The following SCEL variants were observed in gnomAD, a reference collection of about 807,000 sequenced individuals.
SCEL encodes the protein sciellin.
A neutral mutation model predicts 117.6 loss-of-function variants in SCEL; 113 were observed. The ratio of observed to expected loss-of-function variants is 0.96; its 90% CI spans 0.83 to 1.12. The LOEUF (loss-of-function observed/expected upper bound fraction) is 1.12. SCEL is among the 50% of genes most tolerant of loss of function. SCEL has a pLI of 0.00. For missense variants in SCEL, 785 were observed against 810.8 expected (o/e 0.97, Z 0.39); for synonymous variants, 270 against 256.2 (o/e 1.05, Z -0.51).
At chr13:77,625,197 T>C (rs1263126230) in intron 27 of SCEL, among the ~76,000 whole-genome samples, 1 of 152,228 alleles carries the variant, frequency 6.6e-6, no homozygotes, top group Non-Finnish European at 1.5e-5. Flanking sequence ...AATACCATGA[T>C]ATTCCCTTTA....
At chr13:77,586,401 G>A (rs2086567422) in intron 9 of SCEL, among the ~76,000 whole-genome samples, 1 of 151,974 alleles carries the variant, frequency 6.6e-6, no homozygotes, top group South Asian at 2.1e-4. Context: ...TTGATTCCAG[G>A]AATTCCTCAG....
chr13:77,637,183 A>G lies in SCEL; in HGVS notation c.1827A>G (p.Ser609=). The part of the protein sequence containing the change: ...ISGKYIQTVY[S]TSDRSVIERD... The stretch of plus-strand genomic sequence containing the variant: ...GAAAATACATACAAACTGTTTATTC[A>G]ACTTCTGATAGGTGAGTATGTCTTT... Residue 609 remains serine (S), a synonymous_variant, in exon 30 of 33, where the codon TCA becomes TCG. Transcript: ENST00000349847. The G allele has an allele frequency of 6.5e-7, 1 of 1,543,248 alleles. No individual in the cohort carries two copies. Among genetic ancestry groups the G allele is most frequent in the Non-Finnish European group, 8.8e-7 (1 of 1,141,300 alleles).
intron 29 of SCEL, among the ~76,000 whole-genome samples, chr13:77,635,213 A>G (rs538719295): frequency 1.3e-5 from 2 of 152,264 alleles, no homozygotes; most frequent in African/African-American, 2.4e-5. Flanking sequence ...CCCATGCATA[A>G]TTTACCTTGT....
chr13:77,614,621 C>G (rs2088893525), intron 24 of SCEL, among the ~76,000 whole-genome samples: 1 of 152,046 alleles, frequency 6.6e-6, no homozygotes, highest in African/African-American at 2.4e-5. Context: ...GGTACGTATA[C>G]AAATTGTAAA....
At chr13:77,558,873 A>C (rs1446698052) in intron 3 of SCEL, among the ~76,000 whole-genome samples, 1 of 151,422 alleles carries the variant, frequency 6.6e-6, no homozygotes, top group East Asian at 1.9e-4. Context: ...TTAGTAGAGC[A>C]TAACCAGGAA....
chr13:77,564,315 A>G lies in SCEL; in HGVS notation c.290+416A>G, dbSNP rs146171298. Reference sequence around the variant, plus strand: ...TGGAGAGACTGTAAATTTTAATAATACAATAGTTTCAATCCACTCCAGGAC... The same window carrying G: ...TGGAGAGACTGTAAATTTTAATAATGCAATAGTTTCAATCCACTCCAGGAC... On this transcript the variant is annotated intron_variant, in intron 5 of 32. Coordinates refer to ENST00000349847, the MANE Select transcript of SCEL (RefSeq NM_144777.3). Among the ~76,000 whole-genome samples the G allele has an allele frequency of 5.7e-3, 862 of 151,998 alleles. 8 individuals carry two copies. Among genetic ancestry groups the G allele is most frequent in the African/African-American group, 0.019 (806 of 41,442 alleles).
intron 1 of SCEL, among the ~76,000 whole-genome samples, chr13:77,548,037 C>T (rs1166535256): frequency 6.6e-6 from 1 of 152,200 alleles, no homozygotes; most frequent in Non-Finnish European, 1.5e-5. Flanking sequence ...GTATTCTACC[C>T]ATATCCCACC....
intron 15 of SCEL, chr13:77,600,061 G>A (rs1280130055): frequency 3.2e-6 from 1 of 313,496 alleles, no homozygotes; most frequent in African/African-American, 2.1e-5. Context: ...ACAAGTAGTG[G>A]AGAATAGGTT....
At chr13:77,584,495 C>T (rs1385404022) in intron 9 of SCEL, among the ~76,000 whole-genome samples, 1 of 152,178 alleles carries the variant, frequency 6.6e-6, no homozygotes, top group African/African-American at 2.4e-5. Context: ...TGCGTATTCT[C>T]CAGACCATTT....
At chr13:77,566,459 A>G (rs2085294870) in intron 5 of SCEL, among the ~76,000 whole-genome samples, 1 of 149,136 alleles carries the variant, frequency 6.7e-6, no homozygotes, top group Admixed American at 7.4e-5. Flanking sequence ...GTTGGCATAT[A>G]ATGATAACCT....
chr13:77,639,020 C>A (rs2090434357), intron 30 of SCEL, among the ~76,000 whole-genome samples: 1 of 152,094 alleles, frequency 6.6e-6, no homozygotes, highest in Non-Finnish European at 1.5e-5. Flanking sequence ...GTCCACGTAC[C>A]TGTATTCCAC....
At chr13:77,641,057 G>T (rs2090536062) in intron 31 of SCEL, among the ~76,000 whole-genome samples, 1 of 152,072 alleles carries the variant, frequency 6.6e-6, no homozygotes, top group African/African-American at 2.4e-5. Flanking sequence ...AAACCCACTT[G>T]TTCTTTTTAT....
chr13:77,555,882 A>G lies in SCEL; in HGVS notation c.7A>G (p.Asn3Asp), dbSNP rs1351373305. 8 of 1,612,934 alleles carry G rather than the reference A, an allele frequency of 5.0e-6. No homozygotes were observed. The highest frequency in any genetic ancestry group is 6.8e-6 in the Non-Finnish European group (8 of 1,179,016). Residue 3 changes from asparagine (N) to aspartate (D), a missense_variant, in exon 2 of 33, where the codon AAT (asparagine) becomes GAT (aspartate). Transcript: ENST00000349847. MSNVTLRKMSPTG... is the reference protein window; with the variant it reads MSDVTLRKMSPTG... ...GTCCTTACTGGAAGGCAGCATGTCC[A>G]ATGTTACCTTGAGAAAAATGTCTCC...
Position 77,608,106 on chromosome 13 carries a change from G to A in SCEL, c.1208G>A (p.Ser403Asn), listed in dbSNP as rs765941338. The change falls in exon 20 of 33, where the codon AGT (serine) becomes AAT (asparagine). Residue 403 changes from serine (S) to asparagine (N), a missense_variant. Transcript: ENST00000349847. ...AAAGTGACCCCTGAAGTAAAGAGAAGTAACCAAGGGTGAGGACTATGTCTT... is the reference window on the plus strand; with the variant it reads ...AAAGTGACCCCTGAAGTAAAGAGAAATAACCAAGGGTGAGGACTATGTCTT... ...LIKVTPEVKR[S>N]NQGSKDLNNF... The A allele has an allele frequency of 1.7e-5, 28 of 1,612,110 alleles. No individual in the cohort carries two copies. The East Asian group carries it at 2.0e-4, about 12-fold the overall frequency.
At chr13:77,633,203 G>A (rs1427783489) in intron 28 of SCEL, among the ~76,000 whole-genome samples, 3 of 151,350 alleles carry the variant, frequency 2.0e-5, no homozygotes, top group South Asian at 2.1e-4. Context: ...TTGGGAGGCC[G>A]AGGCGGGTGG....
intron 1 of SCEL, among the ~76,000 whole-genome samples, chr13:77,550,192 C>T (rs1055885020): frequency 6.6e-6 from 1 of 151,668 alleles, no homozygotes; most frequent in African/African-American, 2.4e-5. Flanking sequence ...TTGAGAACAG[C>T]CTGGCCAACA....
chr13:77,633,506 A>G (rs2090134947), intron 28 of SCEL, among the ~76,000 whole-genome samples: 1 of 150,308 alleles, frequency 6.7e-6, no homozygotes, highest in Admixed American at 6.6e-5. Context: ...TTGTAAAATA[A>G]TGTTAATTGA....
chr13:77,582,288 G>A (rs1028815124), intron 9 of SCEL, among the ~76,000 whole-genome samples: 3 of 152,146 alleles, frequency 2.0e-5, no homozygotes, highest in Non-Finnish European at 2.9e-5. Flanking sequence ...GTGCAGTGGT[G>A]TGATCTCGGC....
chr13:77,609,128 A>G lies in SCEL; in HGVS notation c.1277+11A>G. ...AAAAAGTACTGAAGGGTAAGATTTA[A>G]TAAGCTCCCTTTTTTGTTTCATAGT... On this transcript the variant is annotated intron_variant, in intron 21 of 32. Transcript: ENST00000349847. 1 of 1,579,800 alleles carries G rather than the reference A, an allele frequency of 6.3e-7. No homozygotes were observed. The highest frequency in any genetic ancestry group is 8.6e-7 in the Non-Finnish European group (1 of 1,165,712).
Sources: allele counts gnomAD v4.1 joint callset (sites outside exome capture counted in the v4.1 genomes callset), GRCh38; gene constraint gnomAD v4.1.1; transcripts MANE v1.5; gene names NCBI Gene and HGNC (gene_info 2026-07-23, HGNC 2026-07-21).